SLC9A9: variants seen among roughly 807,000 people sequenced by gnomAD.
SLC9A9 encodes the protein solute carrier family 9 member A9, also known as sodium/hydrogen exchanger 9.
Under a neutral mutation model 77.8 loss-of-function variants are expected in SLC9A9, and 62 were observed. That is an observed-to-expected ratio of 0.80 (90% CI 0.65 to 0.98). The LOEUF (loss-of-function observed/expected upper bound fraction) is 0.98, where lower values mean the gene tolerates loss of function less well. SLC9A9 is among the 50% of genes least tolerant of loss of function. The pLI, the probability that SLC9A9 is intolerant of heterozygous loss-of-function variation, is 0.00. For synonymous variants in SLC9A9, 320 were observed against 283.5 expected, an observed-to-expected ratio of 1.13 and a Z score of -1.29; for missense variants, 775 against 774.9, an observed-to-expected ratio of 1.00 and a Z score of 0.00.
At chr3:143,428,922 T>C (rs2034455780) in intron 12 of SLC9A9, among the ~76,000 whole-genome samples, 1 of 152,010 alleles carries the variant, frequency 6.6e-6, no homozygotes, top group Non-Finnish European at 1.5e-5. Context: ...GGGGTGGGGA[T>C]GGGGATCAGG....
chr3:143,395,500 A>T (rs1037317551), intron 12 of SLC9A9, among the ~76,000 whole-genome samples: 1 of 152,246 alleles, frequency 6.6e-6, no homozygotes, highest in East Asian at 1.9e-4. Flanking sequence ...AAACCCTAGA[A>T]GAAAACCTAG....
At chr3:143,773,304 A>C (rs1048878878) in intron 4 of SLC9A9, among the ~76,000 whole-genome samples, 27 of 152,294 alleles carry the variant, frequency 1.8e-4, no homozygotes, top group Admixed American at 1.4e-3. Flanking sequence ...AGAGATGTTC[A>C]GTAGCACATT....
At chr3:143,629,643 C>T (rs868538179) in intron 6 of SLC9A9, among the ~76,000 whole-genome samples, 2 of 151,294 alleles carry the variant, frequency 1.3e-5, no homozygotes, top group South Asian at 2.1e-4. Context: ...CTATAATAGT[C>T]GGGCAAAATT....
chr3:143,790,998 G>A (rs1288755658), intron 4 of SLC9A9, among the ~76,000 whole-genome samples: 1 of 152,224 alleles, frequency 6.6e-6, no homozygotes, highest in African/African-American at 2.4e-5. Context: ...GCTTCAGCTA[G>A]GTTGTCATTG....
chr3:143,734,114 C>T (rs929653723), intron 4 of SLC9A9, among the ~76,000 whole-genome samples: 7 of 151,784 alleles, frequency 4.6e-5, no homozygotes, highest in African/African-American at 1.7e-4. Context: ...GAAGGATTGC[C>T]TGAATTCAGG....
chr3:143,596,991 C>T (rs754990770), intron 6 of SLC9A9, among the ~76,000 whole-genome samples: 4 of 152,248 alleles, frequency 2.6e-5, no homozygotes, highest in Admixed American at 1.3e-4. Flanking sequence ...ACATATGTCA[C>T]GGTAAATCTT....
intron 6 of SLC9A9, among the ~76,000 whole-genome samples, chr3:143,647,615 TTC>T (rs1308276919): frequency 6.6e-6 from 1 of 152,234 alleles, no homozygotes; most frequent in Non-Finnish European, 1.5e-5. Flanking sequence ...TCTTTATTTT[TTC>T]TGATTGTTAT....
intron 12 of SLC9A9, among the ~76,000 whole-genome samples, chr3:143,426,235 C>A (rs2034402411): frequency 6.6e-6 from 1 of 152,072 alleles, no homozygotes; most frequent in Admixed American, 6.6e-5. Flanking sequence ...TTAAAAAACC[C>A]ATGTTATAAT....
intron 6 of SLC9A9, among the ~76,000 whole-genome samples, chr3:143,592,952 G>A (rs550544326): frequency 6.6e-6 from 1 of 152,252 alleles, no homozygotes; most frequent in East Asian, 1.9e-4. Flanking sequence ...GAACATGGGG[G>A]AGAAGTGTTC....
chr3:143,729,086 G>T (rs75281907), intron 4 of SLC9A9, among the ~76,000 whole-genome samples: 1 of 152,030 alleles, frequency 6.6e-6, no homozygotes, highest in South Asian at 2.1e-4. Flanking sequence ...CCACCCTCAC[G>T]CCTTATTCCC....
chr3:143,677,869 C>T (rs1039610750), intron 5 of SLC9A9, among the ~76,000 whole-genome samples: 4 of 139,586 alleles, frequency 2.9e-5, no homozygotes, highest in Non-Finnish European at 6.0e-5. Flanking sequence ...CTCTGTCGCC[C>T]AGGCTGGAGT....
chr3:143,416,558 C>A (rs989821276), intron 12 of SLC9A9, among the ~76,000 whole-genome samples: 1 of 151,992 alleles, frequency 6.6e-6, no homozygotes, highest in African/African-American at 2.4e-5. Flanking sequence ...TTTTTAGCAA[C>A]AAAGTTTTTT....
chr3:143,485,909 A>G (rs928582964), intron 11 of SLC9A9, among the ~76,000 whole-genome samples: 1 of 152,142 alleles, frequency 6.6e-6, no homozygotes, highest in Non-Finnish European at 1.5e-5. Flanking sequence ...GGAAATACCA[A>G]TAAAGAGAGA....
intron 14 of SLC9A9, among the ~76,000 whole-genome samples, chr3:143,301,663 C>T (rs1426629404): frequency 6.6e-6 from 1 of 152,168 alleles, no homozygotes; most frequent in Non-Finnish European, 1.5e-5. Flanking sequence ...CCCACAGTGA[C>T]TCAGGCCTTT....
intron 12 of SLC9A9, among the ~76,000 whole-genome samples, chr3:143,402,015 C>T (rs2033872766): frequency 6.6e-6 from 1 of 151,968 alleles, no homozygotes; most frequent in Non-Finnish European, 1.5e-5. Flanking sequence ...TGATGATTAC[C>T]TTGGTGAAAC....
chr3:143,684,788 T>C (rs1412691014), intron 5 of SLC9A9, among the ~76,000 whole-genome samples: 2 of 152,066 alleles, frequency 1.3e-5, no homozygotes, highest in Non-Finnish European at 2.9e-5. Flanking sequence ...TTTCTGAAGC[T>C]TGGGTATAAA....
At chr3:143,306,895 C>T (rs913422703) in intron 14 of SLC9A9, among the ~76,000 whole-genome samples, 8 of 152,202 alleles carry the variant, frequency 5.3e-5, no homozygotes, top group Non-Finnish European at 1.2e-4. Flanking sequence ...ATGCTTTTCT[C>T]TTCTTTCTTT....
chr3:143,270,118 T>A (rs1408593136), intron 14 of SLC9A9, among the ~76,000 whole-genome samples: 1 of 152,226 alleles, frequency 6.6e-6, no homozygotes, highest in Non-Finnish European at 1.5e-5. Context: ...TAGGAGGGCC[T>A]GCAATTCCAA....
intron 8 of SLC9A9, among the ~76,000 whole-genome samples, chr3:143,569,923 G>A (rs1212546710): frequency 6.8e-6 from 1 of 147,856 alleles, no homozygotes; most frequent in East Asian, 2.0e-4. Context: ...CAATCCTCCT[G>A]CCTCAGCCTC....
Sources: allele counts gnomAD v4.1 joint callset (sites outside exome capture counted in the v4.1 genomes callset), GRCh38; gene constraint gnomAD v4.1.1; transcripts MANE v1.5; gene names NCBI Gene and HGNC (gene_info 2026-07-23, HGNC 2026-07-21).